The following FAT3 variants were observed in gnomAD, a reference collection of about 807,000 sequenced individuals.
The protein encoded by FAT3 is protocadherin Fat 3.
A neutral mutation model predicts 310.2 loss-of-function variants in FAT3; 95 were observed. That is an observed-to-expected ratio of 0.31 (90% CI 0.26 to 0.36). The LOEUF is 0.36. FAT3 is among the 10% of genes least tolerant of loss of function. The pLI is 1.00. For synonymous variants in FAT3, 2,314 were observed against 2,192.9 expected (o/e 1.06, Z -1.54); for missense variants, 5,408 against 5,715.6 (o/e 0.95, Z 1.74).
chr11:92,879,926 A>G (rs1949634078), intron 22 of FAT3, among the ~76,000 whole-genome samples: 1 of 152,140 alleles, frequency 6.6e-6, no homozygotes, highest in African/African-American at 2.4e-5. Flanking sequence ...ATGTGCATGT[A>G]TATCTGTAAT....
chr11:92,864,781 C>A (rs998043459), intron 21 of FAT3, among the ~76,000 whole-genome samples: 1 of 152,108 alleles, frequency 6.6e-6, no homozygotes, highest in African/African-American at 2.4e-5. Flanking sequence ...CATGCCACTG[C>A]ACTCCAGCCT....
At chr11:92,476,026 G>A (rs1348380051) in intron 2 of FAT3, among the ~76,000 whole-genome samples, 2 of 152,060 alleles carry the variant, frequency 1.3e-5, no homozygotes, top group Non-Finnish European at 2.9e-5. Context: ...AGGTTCACAT[G>A]TCTAATGGAG....
At chr11:92,424,238 T>G (rs1160051373) in intron 2 of FAT3, among the ~76,000 whole-genome samples, 1 of 152,118 alleles carries the variant, frequency 6.6e-6, no homozygotes, top group Admixed American at 6.6e-5. Flanking sequence ...AAATAATAAT[T>G]AACAAAAAGG....
intron 1 of FAT3, among the ~76,000 whole-genome samples, chr11:92,346,558 G>A (rs929298370): frequency 2.6e-5 from 4 of 152,016 alleles, no homozygotes; most frequent in African/African-American, 4.8e-5. Flanking sequence ...AGTTTTACTC[G>A]TTTTTTGTTT....
At chr11:92,543,990 A>G (rs1405035588) in intron 3 of FAT3, among the ~76,000 whole-genome samples, 2 of 152,062 alleles carry the variant, frequency 1.3e-5, no homozygotes, top group Admixed American at 1.3e-4. Flanking sequence ...CTTACCCTTT[A>G]TAGCTTTAAT....
intron 6 of FAT3, among the ~76,000 whole-genome samples, chr11:92,767,907 C>G (rs1463728515): frequency 6.6e-6 from 1 of 152,132 alleles, no homozygotes; most frequent in Non-Finnish European, 1.5e-5. Flanking sequence ...CTCCTGGAAC[C>G]TACTCAGAGT....
intron 4 of FAT3, among the ~76,000 whole-genome samples, chr11:92,710,562 C>T (rs749698123): frequency 3.3e-5 from 5 of 152,154 alleles, no homozygotes; most frequent in East Asian, 1.9e-4. Flanking sequence ...ATTAGAGATG[C>T]GCTTGTTTGG....
intron 4 of FAT3, among the ~76,000 whole-genome samples, chr11:92,744,038 T>C (rs751275338): frequency 6.6e-6 from 1 of 152,192 alleles, no homozygotes; most frequent in Non-Finnish European, 1.5e-5. Flanking sequence ...TCAGGTATTA[T>C]GTTGTAAGCA....
At position 92,552,380 on chromosome 11, in the gene FAT3, A is replaced by T. The variant is rs372862492; in HGVS notation, c.3607+27432A>T. Among the ~76,000 whole-genome samples the T allele has an allele frequency of 1.2e-4, 19 of 152,228 alleles. No homozygotes were observed. In the East Asian group the frequency reaches 1.3e-3, roughly 11 times the overall value. The stretch of plus-strand genomic sequence containing the variant: ...CTCTTTGTAAAAGTCACATACTCAC[A>T]TGGAAAATATTAAATGGGAATTATA... On this transcript the variant is annotated intron_variant, in intron 3 of 27. Coordinates refer to ENST00000525166, the MANE Select transcript of FAT3 (RefSeq NM_001367949.2).
At chr11:92,601,053 G>T (rs1232137964) in intron 3 of FAT3, among the ~76,000 whole-genome samples, 1 of 152,108 alleles carries the variant, frequency 6.6e-6, no homozygotes, top group Non-Finnish European at 1.5e-5. Context: ...AGAGAAGGAG[G>T]AAGGGATGGA....
At position 92,352,508 on chromosome 11, in the gene FAT3, T is replaced by C. The variant is rs767009649; in HGVS notation, c.396T>C (p.Ser132=). The C allele has an allele frequency of 6.2e-7, 1 of 1,613,158 alleles. No homozygotes were observed. The highest frequency in any genetic ancestry group is 8.5e-7 in the Non-Finnish European group (1 of 1,179,756). The change falls in exon 2 of 28, where the codon TCT becomes TCC. Residue 132 remains serine (S), a synonymous_variant. Transcript: ENST00000525166. ...QDNYLLIVKG[S]VRGEDLEAWT... is the part of the protein sequence containing the mutation. ...ATTATTTATTGATAGTAAAAGGTTC[T>C]GTCAGAGGAGAGGATTTGGAAGCAT...
rs753293772 is a variant in FAT3 at position 92,352,681 on chromosome 11, A to G, written c.569A>G (p.Asn190Ser). Reference protein sequence around the residue: ...VTATDADIGSNGEFYYYFKNK... With the variant: ...VTATDADIGSSGEFYYYFKNK... ...GCAACAGACGCAGATATTGGTTCCA[A>G]TGGAGAATTCTACTACTACTTTAAA... Residue 190 changes from asparagine to serine, a missense_variant, in exon 2 of 28, where the codon AAT (asparagine) becomes AGT (serine). Physicochemically the swap from Asn to Ser is conservative, Grantham distance 46. Coordinates refer to ENST00000525166, the MANE Select transcript of FAT3 (RefSeq NM_001367949.2). 41 of 1,613,844 alleles carry G rather than the reference A, an allele frequency of 2.5e-5. No homozygotes were observed. Among genetic ancestry groups the G allele is most frequent in the Non-Finnish European group, 3.3e-5 (39 of 1,179,876 alleles).
chr11:92,364,691 G>A (rs1948971376), intron 2 of FAT3, among the ~76,000 whole-genome samples: 3 of 152,192 alleles, frequency 2.0e-5, no homozygotes, highest in Non-Finnish European at 1.5e-5. Flanking sequence ...AAAGAGTTGT[G>A]TGTAGGATTC....
intron 2 of FAT3, among the ~76,000 whole-genome samples, chr11:92,369,519 G>T (rs16917438): frequency 0.078 from 11,832 of 152,138 alleles, 675 homozygotes; most frequent in African/African-American, 0.15. Context: ...CTGTATCGCT[G>T]GAGGAGGTGC....
At chr11:92,315,477 G>GTATA (rs1211737478) in intron 1 of FAT3, among the ~76,000 whole-genome samples, 19 of 81,612 alleles carry the variant, frequency 2.3e-4, no homozygotes, top group African/African-American at 5.9e-4. Flanking sequence ...GTGTGTGTGT[G>GTATA]TGTATATATA....
At chr11:92,763,627 C>T (rs1052341877) in intron 5 of FAT3, among the ~76,000 whole-genome samples, 10 of 152,130 alleles carry the variant, frequency 6.6e-5, no homozygotes, top group Non-Finnish European at 1.3e-4. Context: ...TGACTGACAC[C>T]CAGATGCAAA....
intron 1 of FAT3, among the ~76,000 whole-genome samples, chr11:92,306,885 G>A (rs977815739): frequency 2.0e-5 from 3 of 148,044 alleles, no homozygotes; most frequent in African/African-American, 7.5e-5. Context: ...CAGATTCCTG[G>A]GCTTAAGTGA....
At chr11:92,312,768 G>A (rs886443485) in intron 1 of FAT3, among the ~76,000 whole-genome samples, 1 of 152,158 alleles carries the variant, frequency 6.6e-6, no homozygotes, top group Non-Finnish European at 1.5e-5. Flanking sequence ...ATACATGTCG[G>A]ATGCAAAACC....
At chr11:92,335,328 T>C (rs1948038576) in intron 1 of FAT3, among the ~76,000 whole-genome samples, 1 of 152,214 alleles carries the variant, frequency 6.6e-6, no homozygotes, top group South Asian at 2.1e-4. Flanking sequence ...CTTTGACTTG[T>C]TATTTAGGTT....
Sources: allele counts gnomAD v4.1 joint callset (sites outside exome capture counted in the v4.1 genomes callset), GRCh38; gene constraint gnomAD v4.1.1; transcripts MANE v1.5; gene names NCBI Gene and HGNC (gene_info 2026-07-23, HGNC 2026-07-21).